Variants in FGGY observed in about 807,000 individuals in gnomAD.
FGGY encodes the protein FGGY carbohydrate kinase domain-containing protein.
In FGGY, 72 loss-of-function variants were observed where a neutral mutation model predicts 71.3. The observed-to-expected ratio is 1.01, with a 90% CI of 0.84 to 1.23. The LOEUF is 1.23. Ranked by LOEUF, FGGY falls within the 50% of genes most tolerant of loss-of-function variation. The pLI, the probability that FGGY is intolerant of heterozygous loss-of-function variation, is 0.00. For missense variants in FGGY, 668 were observed against 682.3 expected, an observed-to-expected ratio of 0.98 and a Z score of 0.23; for synonymous variants, 251 against 250.3, an observed-to-expected ratio of 1.00 and a Z score of -0.02.
chr1:59,727,404 AC>A (rs1261593914), intron 14 of FGGY, among the ~76,000 whole-genome samples: 1 of 152,118 alleles, frequency 6.6e-6, no homozygotes. Context: ...TTGGATGTAT[AC>A]CCAGTAATGG....
At chr1:59,692,516 G>A (rs2097599527) in intron 14 of FGGY, among the ~76,000 whole-genome samples, 1 of 151,732 alleles carries the variant, frequency 6.6e-6, no homozygotes, top group South Asian at 2.1e-4. Flanking sequence ...TAAGCAAAAG[G>A]GAAAAAAAAT....
chr1:59,658,370 T>C (rs1333526441), intron 11 of FGGY, among the ~76,000 whole-genome samples: 1 of 152,246 alleles, frequency 6.6e-6, no homozygotes, highest in Non-Finnish European at 1.5e-5. Context: ...GCGCCAGAGT[T>C]CTTCTCGTGT....
chr1:59,713,840 A>G (rs180692499), intron 14 of FGGY, among the ~76,000 whole-genome samples: 2 of 152,182 alleles, frequency 1.3e-5, no homozygotes, highest in Non-Finnish European at 2.9e-5. Flanking sequence ...CCCTGGATAC[A>G]ATTAGTATTT....
intron 14 of FGGY, among the ~76,000 whole-genome samples, chr1:59,725,162 A>G (rs2097931596): frequency 6.6e-6 from 1 of 152,184 alleles, no homozygotes; most frequent in Non-Finnish European, 1.5e-5. Context: ...GTCTAAATTC[A>G]TTGTTTTGCA....
intron 5 of FGGY, among the ~76,000 whole-genome samples, chr1:59,408,923 C>T (rs951701790): frequency 1.3e-5 from 2 of 152,146 alleles, no homozygotes; most frequent in African/African-American, 4.8e-5. Flanking sequence ...AACTAGAGAT[C>T]TATGAAGTGT....
chr1:59,381,574 C>G (rs902474260), intron 5 of FGGY, among the ~76,000 whole-genome samples: 1 of 151,846 alleles, frequency 6.6e-6, no homozygotes, highest in Non-Finnish European at 1.5e-5. Flanking sequence ...TATGGGACCA[C>G]TGTCATATAT....
chr1:59,564,698 C>G (rs1311651501), intron 8 of FGGY, among the ~76,000 whole-genome samples: 2 of 152,204 alleles, frequency 1.3e-5, no homozygotes, highest in Non-Finnish European at 2.9e-5. Context: ...TCAAATGATG[C>G]AACGACTTTG....
chr1:59,696,829 A>G (rs897011532), intron 14 of FGGY, among the ~76,000 whole-genome samples: 4 of 152,212 alleles, frequency 2.6e-5, no homozygotes, highest in African/African-American at 9.7e-5. Flanking sequence ...TGAACTGAGA[A>G]CTGGAAGGGC....
intron 1 of FGGY, among the ~76,000 whole-genome samples, chr1:59,304,022 TTC>T (rs1009420098): frequency 6.6e-5 from 10 of 152,192 alleles, no homozygotes; most frequent in Admixed American, 6.5e-4. Flanking sequence ...TGTAAATATT[TTC>T]TCTTTTAGAG....
intron 5 of FGGY, among the ~76,000 whole-genome samples, chr1:59,399,598 A>G (rs1056425235): frequency 4.3e-4 from 66 of 152,204 alleles, no homozygotes; most frequent in African/African-American, 1.5e-3. Flanking sequence ...CTTTGTAAGG[A>G]TTAAATATTG....
chr1:59,648,823 C>G (rs1055229116), intron 11 of FGGY, among the ~76,000 whole-genome samples: 9 of 152,152 alleles, frequency 5.9e-5, no homozygotes, highest in African/African-American at 2.2e-4. Flanking sequence ...AAGTCCTTGC[C>G]CATGCCTATG....
intron 14 of FGGY, among the ~76,000 whole-genome samples, chr1:59,693,908 GA>G (rs1436629481): frequency 6.6e-6 from 1 of 152,160 alleles, no homozygotes; most frequent in Non-Finnish European, 1.5e-5. Flanking sequence ...TCGGGAGGCT[GA>G]GGTGGGAGGA....
chr1:59,574,883 TA>T (rs1212248863), intron 8 of FGGY, among the ~76,000 whole-genome samples: 3 of 152,192 alleles, frequency 2.0e-5, no homozygotes, highest in Non-Finnish European at 4.4e-5. Flanking sequence ...CAAATGCTAA[TA>T]TACTAAAATC....
intron 5 of FGGY, 102 bp from the exon 6 acceptor site, chr1:59,456,859 T>A: frequency 1.4e-6 from 1 of 706,004 alleles, no homozygotes; most frequent in Middle Eastern, 2.5e-4. Context: ...CTTATTCCAC[T>A]TCTTTAATAC....
chr1:59,466,878 A>G (rs2092664010), intron 6 of FGGY, among the ~76,000 whole-genome samples: 1 of 152,196 alleles, frequency 6.6e-6, no homozygotes, highest in Non-Finnish European at 1.5e-5. Flanking sequence ...ATGTGGACAA[A>G]TAGGAACACT....
At chr1:59,369,527 A>T (rs1329796691) in intron 4 of FGGY, among the ~76,000 whole-genome samples, 2 of 152,210 alleles carry the variant, frequency 1.3e-5, no homozygotes, top group African/African-American at 2.4e-5. Flanking sequence ...TGCAGACTTA[A>T]ATGTCCCTCT....
chr1:59,630,915 C>T (rs571681834), intron 10 of FGGY, among the ~76,000 whole-genome samples: 3 of 152,248 alleles, frequency 2.0e-5, no homozygotes, highest in South Asian at 2.1e-4. Flanking sequence ...TCCAAAGCAT[C>T]GCCTGTACTC....
intron 14 of FGGY, among the ~76,000 whole-genome samples, chr1:59,741,789 A>T (rs961867312): frequency 6.6e-6 from 1 of 152,066 alleles, no homozygotes; most frequent in Non-Finnish European, 1.5e-5. Context: ...ATACAAAAAA[A>T]TTAGCCAGGC....
At chr1:59,329,891 T>C (rs2048138571) in intron 2 of FGGY, among the ~76,000 whole-genome samples, 2 of 152,240 alleles carry the variant, frequency 1.3e-5, no homozygotes, top group African/African-American at 2.4e-5. Context: ...GCTATTATAC[T>C]GAACAGCACA....
Sources: gnomAD v4.1 joint callset for allele counts (sites outside exome capture counted in the v4.1 genomes callset) on GRCh38, gnomAD v4.1.1 for gene constraint, MANE v1.5 for transcripts, NCBI Gene and HGNC (gene_info 2026-07-23, HGNC 2026-07-21) for gene names.